TBCA: variants seen among roughly 807,000 people sequenced by gnomAD.
TBCA encodes tubulin folding cofactor A, also known as tubulin-specific chaperone A.
Under a neutral mutation model 15.8 loss-of-function variants are expected in TBCA, and 6 were observed. The observed-to-expected ratio is 0.38, with a 90% CI of 0.21 to 0.75. TBCA has a LOEUF of 0.75. Among genes scored for constraint, TBCA ranks in the 30% least tolerant of loss-of-function variants. The pLI is 0.46. For synonymous variants in TBCA, 32 were observed against 42.3 expected (o/e 0.76, Z 0.94); for missense variants, 90 against 131.2 (o/e 0.69, Z 1.53).
rs1745743739 is a variant in TBCA at position 77,691,290 on chromosome 5, T to C, written c.*128A>G. On this transcript the variant is annotated 3_prime_UTR_variant, in exon 4 of 4. Coordinates refer to ENST00000380377, the MANE Select transcript of TBCA (RefSeq NM_004607.3). ...TGACATATTAAATTAGACAAAGAAATATATATGTAACCAGATAAAAACAAT... is the reference window on the plus strand; with the variant it reads ...TGACATATTAAATTAGACAAAGAAACATATATGTAACCAGATAAAAACAAT... 2 of 719,876 alleles carry C rather than the reference T, an allele frequency of 2.8e-6. No homozygotes were observed. The highest frequency in any genetic ancestry group is 4.5e-6 in the Non-Finnish European group (2 of 442,212). The allele number at this position is 719,876 out of a possible 1,614,324, so 44.6% of individuals were successfully genotyped here.
intron 1 of TBCA, among the ~76,000 whole-genome samples, chr5:77,746,154 C>T (rs1002471543): frequency 9.2e-5 from 14 of 151,998 alleles, no homozygotes; most frequent in Admixed American, 1.3e-4. Flanking sequence ...CAGGCCCGGC[C>T]GTGGTAGCTC....
At chr5:77,744,186 C>G (rs1486951648) in intron 1 of TBCA, among the ~76,000 whole-genome samples, 1 of 152,024 alleles carries the variant, frequency 6.6e-6, no homozygotes, top group African/African-American at 2.4e-5. Context: ...TCTCAAGATC[C>G]CACTCAAATG....
chr5:77,748,561 C>T (rs1008869901), intron 1 of TBCA, among the ~76,000 whole-genome samples: 4 of 151,482 alleles, frequency 2.6e-5, no homozygotes, highest in Middle Eastern at 3.4e-3. Context: ...GCATCTCTGC[C>T]GGCCTAATTT....
At chr5:77,759,120 TAACAATAA>T (rs2112504136) in intron 1 of TBCA, among the ~76,000 whole-genome samples, 1 of 152,332 alleles carries the variant, frequency 6.6e-6, no homozygotes, top group South Asian at 2.1e-4. Context: ...CTACCTACTG[TAACAATAA>T]TATATCAGTC....
intron 1 of TBCA, among the ~76,000 whole-genome samples, chr5:77,729,183 G>A (rs192369189): frequency 1.3e-5 from 2 of 152,092 alleles, no homozygotes; most frequent in East Asian, 1.9e-4. Context: ...GCATGGTGGT[G>A]CACGCCTGTA....
chr5:77,708,910 C>T (rs116240250), intron 1 of TBCA, among the ~76,000 whole-genome samples: 2,358 of 151,384 alleles, frequency 0.016, 53 homozygotes, highest in African/African-American at 0.055. Context: ...AAACCCACTT[C>T]AGTATATTAT....
At chr5:77,753,294 T>C (rs538893748) in intron 1 of TBCA, among the ~76,000 whole-genome samples, 1 of 152,370 alleles carries the variant, frequency 6.6e-6, no homozygotes, top group South Asian at 2.1e-4. Flanking sequence ...TCTATCAGAA[T>C]GGCAAGCCCT....
chr5:77,727,057 T>C (rs1256114464), intron 1 of TBCA, among the ~76,000 whole-genome samples: 1 of 151,986 alleles, frequency 6.6e-6, no homozygotes, highest in African/African-American at 2.4e-5. Flanking sequence ...CTTGAAGTTA[T>C]TAAGTCTCAT....
chr5:77,724,548 A>G (rs1258132212), intron 1 of TBCA, among the ~76,000 whole-genome samples: 1 of 152,144 alleles, frequency 6.6e-6, no homozygotes, highest in African/African-American at 2.4e-5. Context: ...TTATATAGTT[A>G]TGGTATAAGG....
intron 1 of TBCA, among the ~76,000 whole-genome samples, chr5:77,763,079 T>C (rs972818250): frequency 1.3e-5 from 2 of 151,994 alleles, no homozygotes; most frequent in African/African-American, 4.8e-5. Flanking sequence ...CCGTCTCTAC[T>C]AAAAATACAA....
intron 2 of TBCA, among the ~76,000 whole-genome samples, chr5:77,707,627 C>T (rs768483424): frequency 2.6e-5 from 4 of 152,032 alleles, no homozygotes; most frequent in Non-Finnish European, 4.4e-5. Context: ...GCCTTGTATG[C>T]AATGTTAAGG....
At chr5:77,765,880 CCAAA>C (rs1244512714) in intron 1 of TBCA, among the ~76,000 whole-genome samples, 1 of 32,940 alleles carries the variant, frequency 3.0e-5, no homozygotes, top group Non-Finnish European at 8.1e-5. Flanking sequence ...AAAACTAGGG[CCAAA>C]AAAAAAAAAA....
chr5:77,764,009 G>A (rs542558381), intron 1 of TBCA, among the ~76,000 whole-genome samples: 66 of 152,190 alleles, frequency 4.3e-4, no homozygotes, highest in Admixed American at 5.9e-4. Context: ...ATAAATTGCG[G>A]TATTATCAAA....
chr5:77,709,964 G>C (rs1415932287), intron 1 of TBCA, among the ~76,000 whole-genome samples: 9 of 152,160 alleles, frequency 5.9e-5, no homozygotes, highest in African/African-American at 2.2e-4. Context: ...CAAATCTATA[G>C]AAACGTAAAG....
chr5:77,705,060 A>G (rs1453934657), intron 2 of TBCA, among the ~76,000 whole-genome samples: 1 of 152,234 alleles, frequency 6.6e-6, no homozygotes, highest in Non-Finnish European at 1.5e-5. Flanking sequence ...AATGACAATT[A>G]CAACACAGAA....
chr5:77,750,066 GC>G (rs142291902), intron 1 of TBCA, among the ~76,000 whole-genome samples: 3,630 of 151,976 alleles, frequency 0.024, 137 homozygotes, highest in African/African-American at 0.083. Context: ...CAGCTGGGTG[GC>G]TGGTGGACAG....
At chr5:77,739,732 C>T (rs550754165) in intron 1 of TBCA, among the ~76,000 whole-genome samples, 2 of 152,274 alleles carry the variant, frequency 1.3e-5, no homozygotes, top group East Asian at 1.9e-4. Flanking sequence ...ATATCTTCTT[C>T]TTTTGAACTA....
chr5:77,705,390 G>A (rs1250848622), intron 2 of TBCA, among the ~76,000 whole-genome samples: 2 of 152,154 alleles, frequency 1.3e-5, no homozygotes, highest in African/African-American at 4.8e-5. Flanking sequence ...GTTATATACT[G>A]TGTCATAATA....
intron 2 of TBCA, among the ~76,000 whole-genome samples, chr5:77,693,890 G>A (rs1228115399): frequency 6.7e-6 from 1 of 149,474 alleles, no homozygotes; most frequent in Non-Finnish European, 1.5e-5. Context: ...AAATCTTTTT[G>A]GTAATCACCT....
Sources: gnomAD v4.1 joint callset for allele counts (sites outside exome capture counted in the v4.1 genomes callset) on GRCh38, gnomAD v4.1.1 for gene constraint, MANE v1.5 for transcripts, NCBI Gene and HGNC (gene_info 2026-07-23, HGNC 2026-07-21) for gene names.